The following ADAMTS17 variants were observed in gnomAD, a reference collection of about 807,000 sequenced individuals.
The protein encoded by ADAMTS17 is ADAM metallopeptidase with thrombospondin type 1 motif 17, also known as A disintegrin and metalloproteinase with thrombospondin motifs 17.
ADAMTS17 carries 113 observed loss-of-function variants against 141.5 expected under a neutral mutation model. The ratio of observed to expected loss-of-function variants is 0.80; its 90% CI spans 0.69 to 0.93. The LOEUF (loss-of-function observed/expected upper bound fraction) is 0.93, where lower values mean the gene tolerates loss of function less well. ADAMTS17 is among the 40% of genes least tolerant of loss of function. The pLI is 0.00. For missense variants in ADAMTS17, 1,659 were observed against 1,517.9 expected (o/e 1.09, Z -1.54); for synonymous variants, 768 against 630.6 (o/e 1.22, Z -3.27).
chr15:99,995,940 C>T (rs1567655932), intron 19 of ADAMTS17, among the ~76,000 whole-genome samples: 2 of 152,204 alleles, frequency 1.3e-5, no homozygotes, highest in Non-Finnish European at 2.9e-5. Context: ...TTAAATCTTG[C>T]TCCCATTGTC....
At chr15:100,332,216 C>A (rs1357286918) in intron 2 of ADAMTS17, among the ~76,000 whole-genome samples, 1 of 152,240 alleles carries the variant, frequency 6.6e-6, no homozygotes, top group Non-Finnish European at 1.5e-5. Context: ...TGCAGGAGAG[C>A]ACAGCTTTCC....
chr15:100,233,563 T>C (rs1418039641), intron 7 of ADAMTS17, among the ~76,000 whole-genome samples: 3 of 152,148 alleles, frequency 2.0e-5, no homozygotes, highest in Admixed American at 2.0e-4. Flanking sequence ...ACTCATTGCA[T>C]CTCTCATGTG....
chr15:100,046,533 G>C (rs1436590862), intron 18 of ADAMTS17, among the ~76,000 whole-genome samples: 1 of 152,214 alleles, frequency 6.6e-6, no homozygotes, highest in East Asian at 1.9e-4. Context: ...GGGAAGTCAG[G>C]AACCCCGAAC....
At chr15:100,339,289 C>T (rs2046294783) in intron 2 of ADAMTS17, among the ~76,000 whole-genome samples, 1 of 152,216 alleles carries the variant, frequency 6.6e-6, no homozygotes, top group South Asian at 2.1e-4. Flanking sequence ...ATCCAGCTTT[C>T]CACCTCGGCG....
At chr15:100,277,640 C>T (rs897807710) in intron 4 of ADAMTS17, among the ~76,000 whole-genome samples, 4 of 152,294 alleles carry the variant, frequency 2.6e-5, no homozygotes, top group East Asian at 3.9e-4. Flanking sequence ...CAATGCAGCC[C>T]GTCATTAACC....
At chr15:100,159,523 G>C (rs547563851) in intron 8 of ADAMTS17, among the ~76,000 whole-genome samples, 1 of 152,342 alleles carries the variant, frequency 6.6e-6, no homozygotes, top group East Asian at 1.9e-4. Context: ...TGGTGAGAGA[G>C]TTTTTAAATG....
intron 8 of ADAMTS17, among the ~76,000 whole-genome samples, chr15:100,183,479 T>C (rs1229665135): frequency 6.6e-6 from 1 of 152,238 alleles, no homozygotes; most frequent in Non-Finnish European, 1.5e-5. Flanking sequence ...TTTTTTCAGT[T>C]CTATAATTTT....
intron 21 of ADAMTS17, among the ~76,000 whole-genome samples, chr15:99,975,424 G>A (rs1222885180): frequency 6.6e-6 from 1 of 152,082 alleles, no homozygotes; most frequent in African/African-American, 2.4e-5. Flanking sequence ...TGGTCAGGCT[G>A]GTCTCGAACT....
At chr15:100,217,776 G>T (rs964642400) in intron 7 of ADAMTS17, among the ~76,000 whole-genome samples, 5 of 152,128 alleles carry the variant, frequency 3.3e-5, no homozygotes, top group Admixed American at 2.0e-4. Context: ...AATGATATTT[G>T]CCAATCATCT....
intron 18 of ADAMTS17, among the ~76,000 whole-genome samples, chr15:100,036,836 T>A (rs940242060): frequency 1.3e-5 from 2 of 152,220 alleles, no homozygotes; most frequent in African/African-American, 4.8e-5. Flanking sequence ...GAATTTCACA[T>A]GTGACCTTTT....
At chr15:100,271,550 CTA>C (rs2043911569) in intron 4 of ADAMTS17, among the ~76,000 whole-genome samples, 1 of 35,402 alleles carries the variant, frequency 2.8e-5, no homozygotes, top group African/African-American at 1.1e-4. Context: ...GTAAAAATGT[CTA>C]CCTAAGTCCT....
At chr15:100,207,846 T>C (rs2041637143) in intron 7 of ADAMTS17, among the ~76,000 whole-genome samples, 1 of 152,058 alleles carries the variant, frequency 6.6e-6, no homozygotes, top group South Asian at 2.1e-4. Flanking sequence ...ATGCCAAACG[T>C]GGACCCATCA....
chr15:100,222,452 G>C (rs1274001384), intron 7 of ADAMTS17, among the ~76,000 whole-genome samples: 1 of 152,204 alleles, frequency 6.6e-6, no homozygotes, highest in African/African-American at 2.4e-5. Context: ...GGGCAGCCCT[G>C]CCTGGAATGA....
At chr15:100,190,565 T>C (rs1410869796) in intron 8 of ADAMTS17, among the ~76,000 whole-genome samples, 1 of 152,188 alleles carries the variant, frequency 6.6e-6, no homozygotes, top group Non-Finnish European at 1.5e-5. Context: ...GAGAAGAGAA[T>C]GGTTGACCGG....
intron 8 of ADAMTS17, among the ~76,000 whole-genome samples, chr15:100,194,703 C>T (rs1013758676): frequency 1.3e-5 from 2 of 152,130 alleles, no homozygotes; most frequent in African/African-American, 4.8e-5. Context: ...CTCTTTAAAA[C>T]CAAATTGTGA....
At position 100,267,087 on chromosome 15, in the gene ADAMTS17, C is replaced by A. The variant is rs375375249; in HGVS notation, c.790-4652G>T. On this transcript the variant is annotated intron_variant, in intron 4 of 21. Transcript: ENST00000268070. ...TGTTAATTACGTTCACGTTATTGTA[C>A]AATTAACCTCCAGGACTCTTTTCAT... 3.9e-4 allele frequency among the ~76,000 whole-genome samples: 60 copies of A among 152,234 alleles called. 1 individual carries two copies. Among genetic ancestry groups the A allele is most frequent in the African/African-American group, 1.4e-3 (57 of 41,536 alleles).
At chr15:100,252,447 G>T (rs932838555) in intron 7 of ADAMTS17, among the ~76,000 whole-genome samples, 7 of 152,202 alleles carry the variant, frequency 4.6e-5, no homozygotes, top group African/African-American at 1.7e-4. Flanking sequence ...ACAGGCAAGC[G>T]CCACACGATT....
rs28567966 is a variant in ADAMTS17, at chr15:100,152,640, A to G, written c.1445T>C (p.Met482Thr). Residue 482 changes from methionine to threonine, a missense_variant, in exon 10 of 22, where the codon ATG becomes ACG. By Grantham distance (81) the Met-to-Thr change is moderately conservative (BLOSUM62 -1). Coordinates refer to ENST00000268070, the MANE Select transcript of ADAMTS17 (RefSeq NM_139057.4). ...ANEQCQILFG[M>T]NATFCRNMEH... ...CATGTTTCTGCAGAAGGTGGCATTC[A>G]TGCCAAACAGGATCTGGCACTGCTC... 240,037 of 1,613,936 alleles carry G rather than the reference A, an allele frequency of 0.15. 18,976 individuals carry two copies. Among genetic ancestry groups the G allele is most frequent in the Middle Eastern group, 0.22 (1,353 of 6,058 alleles).
At chr15:100,044,985 T>G (rs1904889) in intron 18 of ADAMTS17, among the ~76,000 whole-genome samples, 52,275 of 151,486 alleles carry the variant, frequency 0.35, 10,505 homozygotes, top group African/African-American at 0.54. Context: ...TTTTTGTATT[T>G]TTAGTAGAGA....
Sources: gnomAD v4.1 joint callset for allele counts (sites outside exome capture counted in the v4.1 genomes callset) on GRCh38, gnomAD v4.1.1 for gene constraint, MANE v1.5 for transcripts, NCBI Gene and HGNC (gene_info 2026-07-23, HGNC 2026-07-21) for gene names.